KRR1: variants seen among roughly 807,000 people sequenced by gnomAD.
KRR1 encodes the protein KRR1 small subunit processome component homolog.
In KRR1, 23 loss-of-function variants were observed where a neutral mutation model predicts 50.0. That is an observed-to-expected ratio of 0.46 (90% CI 0.33 to 0.65). The LOEUF is 0.65. Ranked by LOEUF, KRR1 falls within the 30% of genes least tolerant of loss-of-function variation. KRR1 has a pLI of 0.02. For synonymous variants in KRR1, 133 were observed against 146.3 expected (o/e 0.91, Z 0.66); for missense variants, 419 against 442.4 (o/e 0.95, Z 0.47).
Position 75,493,143 on chromosome 12 carries a change from TCATGACAA to T in KRR1, c.*6658_*6665del, listed in dbSNP as rs2046332710. On this transcript the variant is annotated 3_prime_UTR_variant, in exon 10 of 10. Transcript: ENST00000229214. Reference sequence around the variant, plus strand: ...TGCAGATCTAGCGGGAACTTTTAGATCATGACAAAGTTTACATAAGAAGTCATTCAAGT... The same window carrying T: ...TGCAGATCTAGCGGGAACTTTTAGATAGTTTACATAAGAAGTCATTCAAGT... The T allele has an allele frequency of 6.6e-6, 1 of 152,056 alleles. No individual in the cohort carries two copies. The highest frequency in any genetic ancestry group is 1.5e-5 in the Non-Finnish European group (1 of 68,022). 9.4% of individuals were successfully genotyped at this position (152,056 alleles called of 1,614,324 possible).
Position 75,501,755 on chromosome 12 carries a change from G to A in KRR1, c.971C>T (p.Pro324Leu). Residue 324 changes from proline (P) to leucine (L), a missense_variant, in exon 9 of 10, where the codon CCT (proline) becomes CTT (leucine). By Grantham distance (98) the Pro-to-Leu change is moderately conservative. Transcript: ENST00000229214. ...AGGTTTCACAATTGGTTTTTCCTTAGGTGGAATAAATGCTTTGTTTCTTTC... is the reference window on the plus strand; with the variant it reads ...AGGTTTCACAATTGGTTTTTCCTTAAGTGGAATAAATGCTTTGTTTCTTTC... ...QEERNKAFIPPKEKPIVKPKE... is the reference protein window; with the variant it reads ...QEERNKAFIPLKEKPIVKPKE... 6.2e-7 allele frequency: 1 copy of A among 1,610,528 alleles called. No individual in the cohort carries two copies. The highest frequency in any genetic ancestry group is 8.5e-7 in the Non-Finnish European group (1 of 1,177,982).
Position 75,511,494 on chromosome 12 carries a change from G to T in KRR1, c.85+19C>A, listed in dbSNP as rs1451886298. 11 of 1,607,574 alleles carry T rather than the reference G, an allele frequency of 6.8e-6. No homozygotes were observed. Among genetic ancestry groups the T allele is most frequent in the Non-Finnish European group, 9.4e-6 (11 of 1,174,152 alleles). On this transcript the variant is annotated intron_variant, in intron 1 of 9. Transcript: ENST00000229214. The stretch of plus-strand genomic sequence containing the variant: ...TCAACGTACACAAACCCCAGGCTTC[G>T]GTTCCCACATAACATCACCTTGGTT...
Position 75,496,006 on chromosome 12 carries a change from T to G in KRR1, c.*3803A>C, listed in dbSNP as rs1328051077. 59 of 130,964 alleles carry G rather than the reference T, an allele frequency of 4.5e-4. No homozygotes were observed. The East Asian group carries it at 9.7e-3, about 22-fold the overall frequency. 8.1% of individuals were successfully genotyped at this position (130,964 alleles called of 1,614,324 possible). On this transcript the variant is annotated 3_prime_UTR_variant, in exon 10 of 10. Coordinates refer to ENST00000229214, the MANE Select transcript of KRR1 (RefSeq NM_007043.7). Reference sequence around the variant, plus strand: ...ACAGAATTCTGTTTTCGTTTTTTTTTTTGTTTTTTTTTTTTGAGACAGAGT... The same window carrying G: ...ACAGAATTCTGTTTTCGTTTTTTTTGTTGTTTTTTTTTTTTGAGACAGAGT...
At position 75,499,720 on chromosome 12, in the gene KRR1, A is replaced by G; in HGVS notation, c.*89T>C. ...CACCAAAAAAAAAAAAAGCCCTCAG[A>G]AAATTTCTCACAAATAAGGCAACTA... On this transcript the variant is annotated 3_prime_UTR_variant, in exon 10 of 10. Transcript: ENST00000229214. The G allele has an allele frequency of 1.0e-6, 1 of 987,540 alleles. No individual in the cohort carries two copies. Among genetic ancestry groups the G allele is most frequent in the Non-Finnish European group, 1.4e-6 (1 of 696,692 alleles). The allele number at this position is 987,540 out of a possible 1,614,324, so 61.2% of individuals were successfully genotyped here.
chr12:75,498,954 C>G lies in KRR1; in HGVS notation c.*855G>C. On this transcript the variant is annotated 3_prime_UTR_variant, in exon 10 of 10. Coordinates refer to ENST00000229214, the MANE Select transcript of KRR1 (RefSeq NM_007043.7). ...TTACCATTTTGGTACAGCACAAGTA[C>G]CCTAATTTAGTTCTTTTGGACTAAT... The G allele has an allele frequency of 6.2e-7, 1 of 1,601,080 alleles. No individual in the cohort carries two copies. The highest frequency in any genetic ancestry group is 8.5e-7 in the Non-Finnish European group (1 of 1,174,966).
chr12:75,503,707 C>T (rs537158409), intron 7 of KRR1, 197 bp downstream of exon 7: 12 of 402,818 alleles, frequency 3.0e-5, no homozygotes, highest in East Asian at 1.1e-4. Flanking sequence ...TCAATGTGAA[C>T]GCCCCACTGC....
chr12:75,500,585 A>T (rs2046386329), intron 9 of KRR1: 1 of 152,070 alleles, frequency 6.6e-6, no homozygotes, highest in Non-Finnish European at 1.5e-5. Context: ...ATATTTAACA[A>T]CATTTTGGTA....
intron 1 of KRR1, among the ~76,000 whole-genome samples, chr12:75,510,981 C>T (rs2046445463): frequency 6.6e-6 from 1 of 152,170 alleles, no homozygotes; most frequent in Non-Finnish European, 1.5e-5. Flanking sequence ...TAAAAGGTAA[C>T]ACAACCTAAA....
chr12:75,511,452 G>C, intron 1 of KRR1, 61 bp downstream of exon 1: 1 of 1,450,742 alleles, frequency 6.9e-7, no homozygotes, highest in Non-Finnish European at 9.7e-7. Flanking sequence ...AGGAACGAAA[G>C]AAAAAAACAT....
chr12:75,506,244 C>A, intron 5 of KRR1, 72 bp downstream of exon 5: 2 of 882,414 alleles, frequency 2.3e-6, no homozygotes, highest in Non-Finnish European at 3.5e-6. Flanking sequence ...AAGCATTATC[C>A]AATAAACTAT....
chr12:75,499,673 C>A lies in KRR1; in HGVS notation c.*136G>T. On this transcript the variant is annotated 3_prime_UTR_variant, in exon 10 of 10. Coordinates refer to ENST00000229214, the MANE Select transcript of KRR1 (RefSeq NM_007043.7). ...ATAATAATATAATTTATAAAGAACA[C>A]TCTTCTATGAACAACCACCACCACC... The A allele has an allele frequency of 2.1e-6, 1 of 482,198 alleles. No individual in the cohort carries two copies. Among genetic ancestry groups the A allele is most frequent in the Non-Finnish European group, 3.5e-6 (1 of 285,264 alleles). 29.9% of individuals were successfully genotyped at this position (482,198 alleles called of 1,614,324 possible).
Position 75,508,378 on chromosome 12 carries a change from T to C in KRR1, c.154A>G (p.Arg52Gly), listed in dbSNP as rs2046432126. 2 of 1,613,372 alleles carry C rather than the reference T, an allele frequency of 1.2e-6. No homozygotes were observed. The highest frequency in any genetic ancestry group is 8.5e-7 in the Non-Finnish European group (1 of 1,179,642). ...AAACTGCTCTCCTCCAAAAGTCCTC[T>C]GGGATTGTCCTCTTTGGAAAAAGCT... ...EPAFSKEDNPRGLLEESSFAT... is the reference protein window; with the variant it reads ...EPAFSKEDNPGGLLEESSFAT... The change falls in exon 2 of 10, where the codon AGA (arginine) becomes GGA (glycine). Residue 52 changes from arginine to glycine, a missense_variant. Physicochemically the swap from Arg to Gly is moderately radical, Grantham distance 125. Transcript: ENST00000229214.
At position 75,497,678 on chromosome 12, in the gene KRR1, G is replaced by A. The variant is rs2046359555; in HGVS notation, c.*2131C>T. ...CTTTTATTTAACAGATTCCTTCTCA[G>A]ACAAATTATGGCAAGCACTGGAGCA... On this transcript the variant is annotated 3_prime_UTR_variant, in exon 10 of 10. Coordinates refer to ENST00000229214, the MANE Select transcript of KRR1 (RefSeq NM_007043.7). The A allele has an allele frequency of 6.6e-6, 1 of 152,112 alleles. No homozygotes were observed. Among genetic ancestry groups the A allele is most frequent in the Non-Finnish European group, 1.5e-5 (1 of 68,028 alleles). 9.4% of individuals were successfully genotyped at this position (152,112 alleles called of 1,614,324 possible).
At chr12:75,509,958 T>A (rs535116129) in intron 1 of KRR1, among the ~76,000 whole-genome samples, 5 of 152,046 alleles carry the variant, frequency 3.3e-5, no homozygotes, top group Admixed American at 6.6e-5. Context: ...TAATTTTTTT[T>A]AAAATCCCCA....
Position 75,511,576 on chromosome 12 carries a change from G to C in KRR1, c.22C>G (p.Arg8Gly). Residue 8 changes from arginine to glycine, a missense_variant, in exon 1 of 10, where the codon CGG becomes GGG. By Grantham distance (125) the Arg-to-Gly change is moderately radical. Transcript: ENST00000229214. ...CTTTTTCCAGCGCCTTTTTCTGGCC[G>C]CTCCAGCGAGGGAGACGCCATTTGC... MASPSLERPEKGAGKSEF... is the reference protein window; with the variant it reads MASPSLEGPEKGAGKSEF... 1 of 1,613,972 alleles carries C rather than the reference G, an allele frequency of 6.2e-7. No individual in the cohort carries two copies. Among genetic ancestry groups the C allele is most frequent in the Non-Finnish European group, 8.5e-7 (1 of 1,179,894 alleles).
intron 9 of KRR1, 88 bp downstream of exon 9, chr12:75,501,635 C>T: frequency 1.2e-6 from 1 of 826,284 alleles, no homozygotes. Flanking sequence ...TGAAAAGATA[C>T]AACTGTTTCT....
chr12:75,510,865 C>T (rs1035994959), intron 1 of KRR1, among the ~76,000 whole-genome samples: 1 of 152,184 alleles, frequency 6.6e-6, no homozygotes, highest in East Asian at 1.9e-4. Flanking sequence ...GTTTTTAACA[C>T]TTCCTATAAG....
At chr12:75,505,138 T>C (rs897393211) in intron 6 of KRR1, 60 bp downstream of exon 6, 1 of 1,430,486 alleles carries the variant, frequency 7.0e-7, no homozygotes. Context: ...TCAAGAAAGG[T>C]TTCTGTAGCT....
intron 2 of KRR1, 50 bp from the exon 3 acceptor site, chr12:75,506,966 A>G (rs1182734928): frequency 2.0e-6 from 3 of 1,513,526 alleles, no homozygotes; most frequent in Non-Finnish European, 1.8e-6. Context: ...GAGTTTTTTT[A>G]GATAATTATA....
Sources: allele counts gnomAD v4.1 joint callset (sites outside exome capture counted in the v4.1 genomes callset), GRCh38; gene constraint gnomAD v4.1.1; transcripts MANE v1.5; gene names NCBI Gene and HGNC (gene_info 2026-07-23, HGNC 2026-07-21).